Variants in BLTP1 observed in about 807,000 individuals in gnomAD.
BLTP1 encodes the protein bridge-like lipid transfer protein family member 1.
chr4:122,228,760 AC>A, the BLTP1 span, among the ~76,000 whole-genome samples: 12 of 152,136 alleles, frequency 7.9e-5, no homozygotes, highest in Non-Finnish European at 1.3e-4. Context: ...AGAAAACCTT[AC>A]AACTCTAAAC....
the BLTP1 span, among the ~76,000 whole-genome samples, chr4:122,159,469 A>C: frequency 2.0e-5 from 3 of 151,618 alleles, no homozygotes; most frequent in East Asian, 3.9e-4. Context: ...CCCAAAAAAA[A>C]AAAAAAGTTT....
the BLTP1 span, among the ~76,000 whole-genome samples, chr4:122,228,173 A>G: frequency 6.6e-6 from 1 of 152,130 alleles, no homozygotes; most frequent in African/African-American, 2.4e-5. Flanking sequence ...TTTGCCTCCC[A>G]AAGTGCTGGG....
At chr4:122,312,140 A>G in the BLTP1 span, among the ~76,000 whole-genome samples, 1 of 152,052 alleles carries the variant, frequency 6.6e-6, no homozygotes, top group African/African-American at 2.4e-5. Context: ...AGCTCAAGCA[A>G]TCCTCCCGCC....
the BLTP1 span, chr4:122,339,151 T>C: frequency 2.6e-5 from 41 of 1,547,878 alleles, no homozygotes; most frequent in Non-Finnish European, 3.3e-5. Context: ...TTATTTCTAT[T>C]TAAAACTTTT....
the BLTP1 span, chr4:122,271,248 T>C: frequency 1.9e-6 from 3 of 1,613,994 alleles, no homozygotes; most frequent in Non-Finnish European, 2.5e-6. Context: ...GTTCGTCTTA[T>C]TCATCAGTTT....
chr4:122,296,754 A>G, the BLTP1 span, among the ~76,000 whole-genome samples: 2 of 152,228 alleles, frequency 1.3e-5, no homozygotes, highest in South Asian at 2.1e-4. Context: ...GAACTCAGAA[A>G]TAAGACCACA....
chr4:122,231,798 T>C, the BLTP1 span: 2 of 970,536 alleles, frequency 2.1e-6, no homozygotes, highest in African/African-American at 1.8e-5. Flanking sequence ...AAAATGTTTA[T>C]TGTTACCTGT....
chr4:122,310,058 T>C, the BLTP1 span, among the ~76,000 whole-genome samples: 3 of 151,970 alleles, frequency 2.0e-5, no homozygotes, highest in African/African-American at 7.2e-5. Context: ...TCATTAATCT[T>C]AATAATAAAG....
At chr4:122,197,508 A>G in the BLTP1 span, 1 of 817,264 alleles carries the variant, frequency 1.2e-6, no homozygotes, top group Non-Finnish European at 1.5e-6. Flanking sequence ...TAACGTATAC[A>G]TTTCTTTTGT....
chr4:122,193,870 CT>C, the BLTP1 span: 43 of 155,750 alleles, frequency 2.8e-4, no homozygotes, highest in Non-Finnish European at 4.8e-4. Context: ...GTAGTATATT[CT>C]TTTTTTTTTG....
the BLTP1 span, chr4:122,301,188 T>A: frequency 8.1e-7 from 1 of 1,237,966 alleles, no homozygotes; most frequent in Non-Finnish European, 1.1e-6. Context: ...AAGATCTCTG[T>A]ATCAGTGGTC....
At chr4:122,275,661 T>A in the BLTP1 span, among the ~76,000 whole-genome samples, 4 of 152,142 alleles carry the variant, frequency 2.6e-5, no homozygotes, top group African/African-American at 9.6e-5. Flanking sequence ...TGGTAAAGTA[T>A]TATATAGCTG....
the BLTP1 span, chr4:122,197,437 T>C: frequency 2.5e-6 from 2 of 792,718 alleles, no homozygotes; most frequent in South Asian, 1.2e-4. Context: ...ATTATATAAT[T>C]GAGCATTTAG....
chr4:122,207,160 G>A, the BLTP1 span: 1 of 1,608,960 alleles, frequency 6.2e-7, no homozygotes, highest in South Asian at 1.1e-5. Context: ...TTTTTCATTT[G>A]TTCCATATAC....
the BLTP1 span, chr4:122,198,157 C>T: frequency 2.3e-5 from 23 of 980,514 alleles, no homozygotes; most frequent in Non-Finnish European, 2.4e-5. Flanking sequence ...TTCAGGCCTG[C>T]CTGCTTAGAT....
At chr4:122,243,405 ACTT>A in the BLTP1 span, 4 of 984,924 alleles carry the variant, frequency 4.1e-6, no homozygotes, top group African/African-American at 7.0e-5. Flanking sequence ...GCATTTTAGT[ACTT>A]CTTTTTGGCC....
the BLTP1 span, chr4:122,270,296 A>T: frequency 1.1e-6 from 1 of 950,318 alleles, no homozygotes; most frequent in African/African-American, 1.8e-5. Flanking sequence ...TTACAGAAAA[A>T]ACTCCCATGT....
At chr4:122,154,244 T>G in the BLTP1 span, 1 of 889,856 alleles carries the variant, frequency 1.1e-6, no homozygotes, top group Non-Finnish European at 1.3e-6. Context: ...GGTGCGATCT[T>G]GGCTCACTGC....
chr4:122,279,701 C>G, the BLTP1 span: 1 of 1,481,424 alleles, frequency 6.8e-7, no homozygotes, highest in Non-Finnish European at 9.0e-7. Flanking sequence ...TTTTCTTGCT[C>G]TCAATATTTT....
Sources: gnomAD v4.1 joint callset for allele counts (sites outside exome capture counted in the v4.1 genomes callset) on GRCh38, gnomAD v4.1.1 for gene constraint, MANE v1.5 for transcripts, NCBI Gene and HGNC (gene_info 2026-07-23, HGNC 2026-07-21) for gene names.